The following SNTG1 variants were observed in gnomAD, a reference collection of about 807,000 sequenced individuals.
The protein encoded by SNTG1 is syntrophin gamma 1.
In SNTG1, 39 loss-of-function variants were observed where a neutral mutation model predicts 74.7. That is an observed-to-expected ratio of 0.52 (90% confidence interval 0.40 to 0.68). SNTG1 has a LOEUF of 0.68. Among genes scored for constraint, SNTG1 ranks in the 30% least tolerant of loss-of-function variants. SNTG1 has a pLI of 0.00. For missense variants in SNTG1, 685 were observed against 609.5 expected (o/e 1.12, Z -1.30); for synonymous variants, 254 against 217.1 (o/e 1.17, Z -1.49).
chr8:50,489,553 G>T (rs1052175947), intron 8 of SNTG1, among the ~76,000 whole-genome samples: 1 of 152,140 alleles, frequency 6.6e-6, no homozygotes, highest in Non-Finnish European at 1.5e-5. Context: ...TCATATGTTT[G>T]TTGGCTGCAT....
chr8:50,074,484 G>A (rs896622707), intron 1 of SNTG1, among the ~76,000 whole-genome samples: 4 of 152,116 alleles, frequency 2.6e-5, no homozygotes, highest in African/African-American at 7.2e-5. Context: ...AGGGAGGTCC[G>A]AGTAGAGTGA....
At chr8:50,225,123 A>G (rs1301948374) in intron 2 of SNTG1, among the ~76,000 whole-genome samples, 1 of 151,870 alleles carries the variant, frequency 6.6e-6, no homozygotes, top group Non-Finnish European at 1.5e-5. Context: ...GGCGCCCACC[A>G]CCACGTCCAG....
Position 50,222,724 on chromosome 8 carries a change from A to G in SNTG1, c.-28+50089A>G, listed in dbSNP as rs116148703. Among the ~76,000 whole-genome samples the G allele has an allele frequency of 6.1e-3, 922 of 152,256 alleles. 9 individuals are homozygous for G. Among genetic ancestry groups the G allele is most frequent in the African/African-American group, 0.021 (856 of 41,548 alleles). ...AAGAGTAAGGATTCACTTGATGCAG[A>G]CAGACCCTCAGCGGGGATTGCTTCT... On this transcript the variant is annotated intron_variant, in intron 2 of 18. Transcript: ENST00000642720.
chr8:50,192,947 A>G (rs2083628858), intron 2 of SNTG1, among the ~76,000 whole-genome samples: 1 of 152,098 alleles, frequency 6.6e-6, no homozygotes, highest in African/African-American at 2.4e-5. Flanking sequence ...TTTGTCGAAG[A>G]TCAGTTGACT....
At chr8:50,050,756 A>G (rs577943356) in intron 1 of SNTG1, among the ~76,000 whole-genome samples, 6 of 152,214 alleles carry the variant, frequency 3.9e-5, no homozygotes, top group Admixed American at 3.3e-4. Context: ...ACAGGTCAAC[A>G]TCCCATATCA....
intron 2 of SNTG1, among the ~76,000 whole-genome samples, chr8:50,350,219 G>C (rs991032416): frequency 6.6e-6 from 1 of 152,050 alleles, no homozygotes; most frequent in African/African-American, 2.4e-5. Flanking sequence ...GTGGGCTCCT[G>C]TGCAGCCCGA....
Position 50,426,555 on chromosome 8 carries a change from T to A in SNTG1, c.163-11988T>A, listed in dbSNP as rs571434746. On this transcript the variant is annotated intron_variant, in intron 4 of 18. Coordinates refer to ENST00000642720, the MANE Select transcript of SNTG1 (RefSeq NM_018967.5). ...TGTTTGTGTTTTAAGCTAAGTGTTA[T>A]TAAAAGTCAAAAAAATAAAAAGTTT... is the stretch of plus-strand genomic sequence containing the variant. Among the ~76,000 whole-genome samples the A allele has an allele frequency of 3.2e-4, 48 of 151,804 alleles. No individual in the cohort carries two copies. The South Asian group carries it at 9.3e-3, about 30-fold the overall frequency.
At chr8:50,240,011 C>T (rs920095905) in intron 2 of SNTG1, among the ~76,000 whole-genome samples, 8 of 152,294 alleles carry the variant, frequency 5.3e-5, no homozygotes, top group Middle Eastern at 3.4e-3. Context: ...AATCTTTTGA[C>T]TGCTGCAATG....
At chr8:50,205,943 C>A (rs2084210553) in intron 2 of SNTG1, among the ~76,000 whole-genome samples, 1 of 152,098 alleles carries the variant, frequency 6.6e-6, no homozygotes, top group Non-Finnish European at 1.5e-5. Context: ...GTTTTGGTAC[C>A]AGTACCATGC....
intron 4 of SNTG1, among the ~76,000 whole-genome samples, chr8:50,429,764 G>T (rs1031626437): frequency 5.9e-5 from 9 of 151,968 alleles, no homozygotes; most frequent in Non-Finnish European, 1.3e-4. Context: ...TATCCAGAAA[G>T]TGTAAAAAGT....
At chr8:50,257,674 C>T (rs2086952687) in intron 2 of SNTG1, among the ~76,000 whole-genome samples, 1 of 152,136 alleles carries the variant, frequency 6.6e-6, no homozygotes, top group Admixed American at 6.6e-5. Context: ...ATAACTCTCA[C>T]ATGCTTAGTG....
intron 9 of SNTG1, among the ~76,000 whole-genome samples, chr8:50,516,770 A>G (rs535140175): frequency 2.0e-5 from 3 of 152,344 alleles, no homozygotes; most frequent in Admixed American, 1.3e-4. Context: ...GAATGAACAA[A>G]GTCTTCAAGA....
chr8:50,510,489 G>A (rs1045292147), intron 9 of SNTG1, among the ~76,000 whole-genome samples: 4 of 152,156 alleles, frequency 2.6e-5, no homozygotes, highest in African/African-American at 9.7e-5. Context: ...CAGAAGGAAT[G>A]GTACCAGCTC....
intron 1 of SNTG1, among the ~76,000 whole-genome samples, chr8:50,122,407 C>A (rs555427337): frequency 7.1e-6 from 1 of 140,570 alleles, no homozygotes; most frequent in African/African-American, 2.6e-5. Flanking sequence ...AGTAGATTTG[C>A]GAGGCCTGGA....
chr8:50,305,162 C>T (rs1362741726), intron 2 of SNTG1, among the ~76,000 whole-genome samples: 1 of 151,924 alleles, frequency 6.6e-6, no homozygotes, highest in South Asian at 2.1e-4. Context: ...TTTTATTGAG[C>T]TCTTGTATGT....
At chr8:50,067,256 T>C (rs72639872) in intron 1 of SNTG1, among the ~76,000 whole-genome samples, 214 of 152,342 alleles carry the variant, frequency 1.4e-3, no homozygotes, top group Non-Finnish European at 2.4e-3. Context: ...TATGTGGCTT[T>C]TTTTTTACCA....
chr8:50,652,842 GGT>G (rs1209705472), intron 13 of SNTG1, among the ~76,000 whole-genome samples: 2 of 151,382 alleles, frequency 1.3e-5, no homozygotes, highest in Non-Finnish European at 2.9e-5. Context: ...ATAAATAAAA[GGT>G]ATGTTATCAG....
At chr8:49,948,471 C>T (rs1809407415) in intron 1 of SNTG1, among the ~76,000 whole-genome samples, 2 of 152,092 alleles carry the variant, frequency 1.3e-5, no homozygotes, top group African/African-American at 2.4e-5. Context: ...TCTCTCATGA[C>T]CCTTGTTTGG....
intron 15 of SNTG1, among the ~76,000 whole-genome samples, chr8:50,667,110 G>A (rs7844393): frequency 0.34 from 51,266 of 151,682 alleles, 10,884 homozygotes; most frequent in African/African-American, 0.6. Flanking sequence ...ATAAATTAAG[G>A]TATAACGGAA....
Sources: gnomAD v4.1 joint callset for allele counts (sites outside exome capture counted in the v4.1 genomes callset) on GRCh38, gnomAD v4.1.1 for gene constraint, MANE v1.5 for transcripts, NCBI Gene and HGNC (gene_info 2026-07-23, HGNC 2026-07-21) for gene names.